The following PCDH7 variants were observed in gnomAD, a reference collection of about 807,000 sequenced individuals.
PCDH7 encodes protocadherin 7.
Under a neutral mutation model 58.9 loss-of-function variants are expected in PCDH7, and 17 were observed. The observed-to-expected ratio is 0.29, with a 90% CI of 0.20 to 0.43. The LOEUF is 0.43. Among genes scored for constraint, PCDH7 ranks in the 20% least tolerant of loss-of-function variants. The probability of loss-of-function intolerance (pLI) is 1.00; values close to 1 mark genes in which losing one functional copy is unlikely to be tolerated. For missense variants in PCDH7, 1,274 were observed against 1,441.0 expected (o/e 0.88, Z 1.88); for synonymous variants, 664 against 616.4 (o/e 1.08, Z -1.14).
At chr4:30,982,268 G>C (rs1032120529) in intron 3 of PCDH7, among the ~76,000 whole-genome samples, 2 of 152,152 alleles carry the variant, frequency 1.3e-5, no homozygotes, top group East Asian at 1.9e-4. Flanking sequence ...AAGGGAAAAA[G>C]AGAAATTAGG....
chr4:30,974,513 A>G (rs1477421242), intron 3 of PCDH7, among the ~76,000 whole-genome samples: 2 of 152,130 alleles, frequency 1.3e-5, no homozygotes, highest in African/African-American at 4.8e-5. Context: ...CTAGATAATG[A>G]TAAGAAATAG....
intron 1 of PCDH7, among the ~76,000 whole-genome samples, chr4:30,910,499 AAAGGATATGGACAGCCAAAAG>A (rs1311286220): frequency 6.6e-6 from 1 of 152,174 alleles, no homozygotes; most frequent in Non-Finnish European, 1.5e-5. Context: ...AAAAGTGGGC[AAAGGATATGGACAGCCAAAAG>A]AAGACATTTT....
At chr4:31,095,353 CA>C (rs1425908453) in intron 3 of PCDH7, among the ~76,000 whole-genome samples, 3 of 152,032 alleles carry the variant, frequency 2.0e-5, no homozygotes, top group Admixed American at 2.0e-4. Context: ...GGGAATAGCT[CA>C]ATGGGGGTAC....
chr4:30,971,160 T>G (rs1749550915), intron 3 of PCDH7, among the ~76,000 whole-genome samples: 1 of 152,194 alleles, frequency 6.6e-6, no homozygotes, highest in South Asian at 2.1e-4. Flanking sequence ...CAACACTAGC[T>G]CTTAAAGAAA....
intron 1 of PCDH7, among the ~76,000 whole-genome samples, chr4:30,780,522 A>G (rs1722638323): frequency 6.6e-6 from 1 of 152,074 alleles, no homozygotes; most frequent in Non-Finnish European, 1.5e-5. Flanking sequence ...AAAAAAAAAA[A>G]AAGCAAGAAA....
intron 3 of PCDH7, among the ~76,000 whole-genome samples, chr4:31,131,104 G>A (rs1171804628): frequency 1.3e-5 from 2 of 152,166 alleles, no homozygotes; most frequent in African/African-American, 4.8e-5. Flanking sequence ...AACACAGGGA[G>A]CACTGAGACT....
chr4:31,067,489 G>A (rs941003696), intron 3 of PCDH7, among the ~76,000 whole-genome samples: 12 of 151,640 alleles, frequency 7.9e-5, no homozygotes, highest in African/African-American at 1.5e-4. Context: ...AATGAGGATC[G>A]TGCCAGTGGT....
In PCDH7 at chr4:30,723,690, G is replaced by A. The variant is rs201000020; in HGVS notation, c.2268G>A (p.Ser756=). 2.5e-6 allele frequency: 4 copies of A among 1,613,976 alleles called. No homozygotes were observed. Among genetic ancestry groups the A allele is most frequent in the African/African-American group, 2.7e-5 (2 of 74,916 alleles). Residue 756 remains serine, a synonymous_variant, in exon 1 of 2, where the codon TCG becomes TCA. Transcript: ENST00000361762. The surrounding 1 kb of genome is among the most constrained non-coding windows in gnomAD (Gnocchi z 4.6). ...TTTCCTACACTTTACTGCCACCTTC[G>A]AGTAATGTCAGGACAGTAGTAGCTA... is the stretch of plus-strand genomic sequence containing the variant.
At chr4:31,134,158 G>A (rs931123654) in intron 3 of PCDH7, among the ~76,000 whole-genome samples, 50 of 152,022 alleles carry the variant, frequency 3.3e-4, no homozygotes, top group African/African-American at 1.2e-3. Flanking sequence ...CCATGATGAG[G>A]AGATATAAAA....
chr4:30,833,517 A>G (rs1730072341), intron 1 of PCDH7, among the ~76,000 whole-genome samples: 1 of 152,154 alleles, frequency 6.6e-6, no homozygotes, highest in Non-Finnish European at 1.5e-5. Flanking sequence ...CTTCTATTTT[A>G]AAATCATCTG....
intron 3 of PCDH7, among the ~76,000 whole-genome samples, chr4:31,126,243 C>A (rs745443008): frequency 1.3e-5 from 2 of 151,562 alleles, no homozygotes; most frequent in Admixed American, 6.6e-5. Context: ...CATGCCCCTG[C>A]TGCCTGGGTT....
chr4:31,090,415 A>G (rs746746061), intron 3 of PCDH7, among the ~76,000 whole-genome samples: 22 of 151,930 alleles, frequency 1.4e-4, no homozygotes, highest in Non-Finnish European at 2.4e-4. Context: ...TTTGTGTTAC[A>G]AACAATCCAA....
At chr4:30,761,579 C>T (rs1411809452) in intron 1 of PCDH7, among the ~76,000 whole-genome samples, 1 of 152,040 alleles carries the variant, frequency 6.6e-6, no homozygotes, top group East Asian at 1.9e-4. Flanking sequence ...TACAGCACCT[C>T]ATATCAATTC....
At chr4:31,078,063 G>T (rs1759154782) in intron 3 of PCDH7, among the ~76,000 whole-genome samples, 1 of 152,066 alleles carries the variant, frequency 6.6e-6, no homozygotes, top group African/African-American at 2.4e-5. Flanking sequence ...ATCTAACAAG[G>T]GTCAATTGGT....
intron 1 of PCDH7, among the ~76,000 whole-genome samples, chr4:30,904,107 T>G (rs4359861): frequency 0.2 from 29,679 of 152,118 alleles, 3,622 homozygotes; most frequent in East Asian, 0.29. Flanking sequence ...CAAGCCCAAC[T>G]CTGTCACTTC....
At chr4:31,093,773 T>A (rs1713579150) in intron 3 of PCDH7, among the ~76,000 whole-genome samples, 1 of 152,104 alleles carries the variant, frequency 6.6e-6, no homozygotes, top group Non-Finnish European at 1.5e-5. Context: ...GGCAACCACA[T>A]GAGCCAAAGC....
At chr4:31,024,954 G>C (rs1399928509) in intron 3 of PCDH7, among the ~76,000 whole-genome samples, 1 of 152,120 alleles carries the variant, frequency 6.6e-6, no homozygotes, top group Admixed American at 6.5e-5. Flanking sequence ...TGTTGGTTAG[G>C]GTGGTCTCGA....
chr4:30,952,523 T>A (rs1371879351), intron 3 of PCDH7, among the ~76,000 whole-genome samples: 1 of 151,472 alleles, frequency 6.6e-6, no homozygotes, highest in Non-Finnish European at 1.5e-5. Context: ...GAAAGGTGAA[T>A]TAGGAGTAAC....
intron 1 of PCDH7, among the ~76,000 whole-genome samples, chr4:30,761,474 TATCA>T (rs1321964468): frequency 6.6e-6 from 1 of 152,192 alleles, no homozygotes; most frequent in Non-Finnish European, 1.5e-5. Flanking sequence ...TCCAGTATAC[TATCA>T]TTCAATATTT....
Sources: allele counts gnomAD v4.1 joint callset (sites outside exome capture counted in the v4.1 genomes callset), GRCh38; gene constraint gnomAD v4.1.1; non-coding constraint Gnocchi (gnomAD v3.1); transcripts MANE v1.5; gene names NCBI Gene and HGNC (gene_info 2026-07-23, HGNC 2026-07-21).